C1orf87: variants seen among roughly 807,000 people sequenced by gnomAD.
C1orf87 encodes the protein chromosome 1 open reading frame 87.
C1orf87 carries 58 observed loss-of-function variants against 60.5 expected under a neutral mutation model. The ratio of observed to expected loss-of-function variants is 0.96; its 90% confidence interval spans 0.78 to 1.19. The LOEUF is 1.19. C1orf87 is among the 50% of genes most tolerant of loss of function. C1orf87 has a pLI of 0.00. For synonymous variants in C1orf87, 236 were observed against 227.4 expected (o/e 1.04, Z -0.34); for missense variants, 673 against 638.6 (o/e 1.05, Z -0.58).
At chr1:60,038,233 G>A in intron 5 of C1orf87, 126 bp from the exon 6 acceptor site, 1 of 511,544 alleles carries the variant, frequency 2.0e-6, no homozygotes, top group South Asian at 3.5e-5. Flanking sequence ...TAAAAATATA[G>A]TATCATAATT....
At chr1:60,005,770 C>CGTGTGTGTGTGTGTGTGT (rs139222813) in intron 9 of C1orf87, among the ~76,000 whole-genome samples, 49 of 144,014 alleles carry the variant, frequency 3.4e-4, no homozygotes, top group African/African-American at 1.2e-3. Flanking sequence ...GAAGCTGATT[C>CGTGTGTGTGTGTGTGTGT]GTGTGTGTGT....
chr1:60,036,315 T>A (rs1031754119), intron 6 of C1orf87, among the ~76,000 whole-genome samples: 1 of 152,086 alleles, frequency 6.6e-6, no homozygotes, highest in African/African-American at 2.4e-5. Flanking sequence ...AGGAATCAAG[T>A]CCAACTGTTG....
chr1:60,023,587 T>C (rs1345892728), intron 8 of C1orf87, among the ~76,000 whole-genome samples: 2 of 152,222 alleles, frequency 1.3e-5, no homozygotes, highest in Non-Finnish European at 2.9e-5. Flanking sequence ...AATTTTCATA[T>C]ACTTCATACT....
intron 8 of C1orf87, among the ~76,000 whole-genome samples, chr1:60,022,335 A>T (rs1390167144): frequency 2.0e-5 from 3 of 152,016 alleles, no homozygotes; most frequent in Non-Finnish European, 4.4e-5. Context: ...GTAACAATAG[A>T]GGGGGTGACA....
chr1:60,013,362 T>A (rs1645102893), intron 8 of C1orf87, among the ~76,000 whole-genome samples: 1 of 152,110 alleles, frequency 6.6e-6, no homozygotes, highest in Admixed American at 6.6e-5. Context: ...AATTTGACAT[T>A]ACATATTGAT....
In C1orf87 at chr1:60,001,161, A is replaced by G. The variant is rs1420199325; in HGVS notation, c.1193-5T>C. 6.4e-7 allele frequency: 1 copy of G among 1,554,732 alleles called. No homozygotes were observed. Among genetic ancestry groups the G allele is most frequent in the East Asian group, 2.3e-5 (1 of 43,014 alleles). Reference sequence around the variant, plus strand: ...GGGCTTTCTTTTCATTCTTCCCTGAACAAGAATAAAAAAAAAAAAAGGAAG... The same window carrying G: ...GGGCTTTCTTTTCATTCTTCCCTGAGCAAGAATAAAAAAAAAAAAAGGAAG... On this transcript the variant is annotated splice_polypyrimidine_tract_variant and splice_region_variant and intron_variant, in intron 9 of 11. Coordinates refer to ENST00000371201, the MANE Select transcript of C1orf87 (RefSeq NM_152377.3).
At chr1:60,001,000 G>A (rs1435419701) in intron 10 of C1orf87, 77 bp downstream of exon 10, 51 of 1,180,180 alleles carry the variant, frequency 4.3e-5, no homozygotes, top group Non-Finnish European at 4.7e-5. Flanking sequence ...ACAGGAGAGA[G>A]CCCCATCCAG....
chr1:60,025,361 G>T, intron 8 of C1orf87, 40 bp downstream of exon 8: 1 of 1,474,296 alleles, frequency 6.8e-7, no homozygotes, highest in Non-Finnish European at 9.5e-7. Context: ...GGAAGGGGTG[G>T]TGGATACAAA....
chr1:60,054,206 C>G (rs1326041066), intron 3 of C1orf87, among the ~76,000 whole-genome samples: 1 of 152,200 alleles, frequency 6.6e-6, no homozygotes, highest in Non-Finnish European at 1.5e-5. Context: ...GCTTGAGTGA[C>G]AGCTCAATCT....
At chr1:59,995,535 C>T (rs1455537668) in intron 11 of C1orf87, among the ~76,000 whole-genome samples, 2 of 152,216 alleles carry the variant, frequency 1.3e-5, no homozygotes, top group African/African-American at 4.8e-5. Context: ...CCATCATACT[C>T]ATTCTCACCT....
chr1:60,003,999 T>C (rs1645025693), intron 9 of C1orf87, among the ~76,000 whole-genome samples: 1 of 152,074 alleles, frequency 6.6e-6, no homozygotes, highest in South Asian at 2.1e-4. Flanking sequence ...TGTTGAACGT[T>C]TAAGTTGTCA....
intron 8 of C1orf87, among the ~76,000 whole-genome samples, chr1:60,022,239 G>A (rs902969652): frequency 6.6e-6 from 1 of 151,796 alleles, no homozygotes; most frequent in Non-Finnish European, 1.5e-5. Context: ...GATAAACTAG[G>A]TATAAGAGTA....
intron 8 of C1orf87, 70 bp downstream of exon 8, chr1:60,025,331 A>G (rs1396033974): frequency 1.1e-5 from 13 of 1,234,512 alleles, no homozygotes. Flanking sequence ...TTGAAGTTAA[A>G]GCTTCACCAT....
intron 4 of C1orf87, among the ~76,000 whole-genome samples, chr1:60,040,590 C>A (rs1037830682): frequency 2.0e-5 from 3 of 152,020 alleles, no homozygotes; most frequent in African/African-American, 7.3e-5. Context: ...GCATAATGGC[C>A]CTTCCTGAGC....
At chr1:60,029,304 G>T (rs765815814) in intron 7 of C1orf87, among the ~76,000 whole-genome samples, 1 of 152,042 alleles carries the variant, frequency 6.6e-6, no homozygotes, top group Non-Finnish European at 1.5e-5. Context: ...TTCTTGCCTG[G>T]ATTATTGAAA....
chr1:60,029,628 T>TC (rs1326089335), intron 7 of C1orf87, among the ~76,000 whole-genome samples: 1 of 119,776 alleles, frequency 8.3e-6, no homozygotes, highest in Non-Finnish European at 1.7e-5. Context: ...TCTTCCCCTG[T>TC]CCCCCCAAGT....
chr1:60,034,597 C>G (rs1645262214), intron 6 of C1orf87, among the ~76,000 whole-genome samples: 1 of 152,188 alleles, frequency 6.6e-6, no homozygotes, highest in South Asian at 2.1e-4. Context: ...GTAAATACCC[C>G]CACCATGGGT....
At chr1:60,065,837 A>T (rs1645542376) in intron 2 of C1orf87, among the ~76,000 whole-genome samples, 1 of 152,164 alleles carries the variant, frequency 6.6e-6, no homozygotes, top group Non-Finnish European at 1.5e-5. Context: ...CTTGGGTATA[A>T]ATATCAATGC....
intron 7 of C1orf87, among the ~76,000 whole-genome samples, 176 bp from the exon 8 acceptor site, chr1:60,025,674 G>A (rs529237003): frequency 6.6e-6 from 1 of 152,206 alleles, no homozygotes; most frequent in Non-Finnish European, 1.5e-5. Context: ...TACCATTTAG[G>A]ACAAGAATGT....
Sources: allele counts gnomAD v4.1 joint callset (sites outside exome capture counted in the v4.1 genomes callset), GRCh38; gene constraint gnomAD v4.1.1; transcripts MANE v1.5; gene names NCBI Gene and HGNC (gene_info 2026-07-23, HGNC 2026-07-21).